EPHA3: variants seen among roughly 807,000 people sequenced by gnomAD.
The protein encoded by EPHA3 is EPH receptor A3.
A neutral mutation model predicts 107.1 loss-of-function variants in EPHA3; 42 were observed. That is an observed-to-expected ratio of 0.39 (90% CI 0.31 to 0.51). EPHA3 has a LOEUF of 0.51. Among genes scored for constraint, EPHA3 ranks in the 20% least tolerant of loss-of-function variants. EPHA3 has a pLI of 0.78. For missense variants in EPHA3, 1,183 were observed against 1,211.2 expected, an observed-to-expected ratio of 0.98 and a Z score of 0.35; for synonymous variants, 461 against 424.8, an observed-to-expected ratio of 1.09 and a Z score of -1.05.
At chr3:89,127,388 C>A in intron 2 of EPHA3, 115 bp downstream of exon 2, 1 of 732,160 alleles carries the variant, frequency 1.4e-6, no homozygotes. Context: ...ACAAATTATA[C>A]TTATAGGAGT....
chr3:89,257,679 T>G (rs1392311958), intron 3 of EPHA3, among the ~76,000 whole-genome samples: 1 of 149,060 alleles, frequency 6.7e-6, no homozygotes, highest in Non-Finnish European at 1.5e-5. Flanking sequence ...ATAATAAAAA[T>G]AACAACTGGA....
intron 2 of EPHA3, among the ~76,000 whole-genome samples, chr3:89,139,684 G>C (rs116244556): frequency 5.9e-4 from 90 of 151,762 alleles, no homozygotes; most frequent in African/African-American, 2.1e-3. Flanking sequence ...AAATCATCTA[G>C]TGCAATACTC....
intron 9 of EPHA3, among the ~76,000 whole-genome samples, chr3:89,409,055 G>A (rs1309499631): frequency 6.6e-6 from 1 of 152,020 alleles, no homozygotes; most frequent in African/African-American, 2.4e-5. Flanking sequence ...CTAACCTGCA[G>A]GAAGCATACA....
intron 15 of EPHA3, among the ~76,000 whole-genome samples, chr3:89,469,293 C>G (rs1710354990): frequency 6.6e-6 from 1 of 152,252 alleles, no homozygotes; most frequent in East Asian, 1.9e-4. Context: ...GACTATTAAT[C>G]TATATTTTCC....
At chr3:89,456,409 T>A (rs1710098450) in intron 15 of EPHA3, among the ~76,000 whole-genome samples, 1 of 152,210 alleles carries the variant, frequency 6.6e-6, no homozygotes, top group Admixed American at 6.5e-5. Flanking sequence ...TCTTCAGTCT[T>A]TCTGGATTTA....
chr3:89,471,283 T>C (rs1256044324), intron 15 of EPHA3, among the ~76,000 whole-genome samples: 1 of 152,176 alleles, frequency 6.6e-6, no homozygotes. Flanking sequence ...TTCTGTTCCA[T>C]TGATTTACCA....
intron 13 of EPHA3, among the ~76,000 whole-genome samples, chr3:89,446,859 G>A (rs1220098991): frequency 1.3e-5 from 2 of 152,088 alleles, no homozygotes; most frequent in Admixed American, 6.6e-5. Context: ...AAAAAGAGAA[G>A]TAGCAAAGGC....
rs566882746 is a variant in EPHA3 at position 89,379,529 on chromosome 3, G to A, written c.1307-16308G>A. Among the ~76,000 whole-genome samples the A allele has an allele frequency of 1.1e-4, 17 of 152,290 alleles. No homozygotes were observed. In the South Asian group the frequency reaches 3.3e-3, roughly 30 times the overall value. ...ATGGGTTTAGGATATATACTTGGAG[G>A]AGAAGTAGAGTAGATATTAGGATTC... On this transcript the variant is annotated intron_variant, in intron 5 of 16. Coordinates refer to ENST00000336596, the MANE Select transcript of EPHA3 (RefSeq NM_005233.6).
chr3:89,424,264 A>G (rs535266344), intron 11 of EPHA3, among the ~76,000 whole-genome samples: 6 of 151,526 alleles, frequency 4.0e-5, no homozygotes, highest in Admixed American at 2.0e-4. Context: ...CTAAAAACTC[A>G]TAACATTAAT....
chr3:89,427,953 T>C (rs1709491615), intron 11 of EPHA3, among the ~76,000 whole-genome samples: 1 of 152,022 alleles, frequency 6.6e-6, no homozygotes, highest in African/African-American at 2.4e-5. Context: ...TCTTAATTGT[T>C]ACCATAATGT....
intron 5 of EPHA3, among the ~76,000 whole-genome samples, chr3:89,357,052 G>A (rs1299229473): frequency 7.7e-6 from 1 of 130,342 alleles, no homozygotes; most frequent in Non-Finnish European, 1.6e-5. Context: ...AGGTTGCAGT[G>A]AGCCGAGACT....
intron 5 of EPHA3, among the ~76,000 whole-genome samples, chr3:89,373,426 C>A (rs1485078978): frequency 6.6e-6 from 1 of 151,902 alleles, no homozygotes; most frequent in Non-Finnish European, 1.5e-5. Context: ...CATTTTCCAA[C>A]ATCCATCTTA....
rs138543738 is a variant in EPHA3 at position 89,265,484 on chromosome 3, C to T, written c.814+54964C>T. Among the ~76,000 whole-genome samples, 785 of 152,140 alleles carry T rather than the reference C, an allele frequency of 5.2e-3. 7 individuals are homozygous for T. The highest frequency in any genetic ancestry group is 0.018 in the African/African-American group (742 of 41,528). ...TATTTTTTGTAAATATCTTGATACA[C>T]CATTATTTTATAAAATAATTTTGGC... On this transcript the variant is annotated intron_variant, in intron 3 of 16. Coordinates refer to ENST00000336596, the MANE Select transcript of EPHA3 (RefSeq NM_005233.6).
At chr3:89,451,254 C>A (rs1709984229) in intron 15 of EPHA3, among the ~76,000 whole-genome samples, 1 of 151,940 alleles carries the variant, frequency 6.6e-6, no homozygotes, top group Non-Finnish European at 1.5e-5. Flanking sequence ...TGAGTTCTCT[C>A]AGTGGTTAGA....
At chr3:89,360,215 T>C (rs919211327) in intron 5 of EPHA3, among the ~76,000 whole-genome samples, 1 of 150,912 alleles carries the variant, frequency 6.6e-6, no homozygotes, top group Non-Finnish European at 1.5e-5. Context: ...AGCCTCTCTT[T>C]TTTTTGGTTT....
chr3:89,262,287 A>G (rs1249709017), intron 3 of EPHA3, among the ~76,000 whole-genome samples: 1 of 152,180 alleles, frequency 6.6e-6, no homozygotes, highest in East Asian at 1.9e-4. Context: ...ATGACTTAAA[A>G]CAACAGAATA....
Position 89,365,238 on chromosome 3 carries a change from A to G in EPHA3, c.1306+23148A>G, listed in dbSNP as rs972889547. Among the ~76,000 whole-genome samples the G allele has an allele frequency of 4.6e-5, 7 of 150,682 alleles. 1 individual carries two copies. The highest frequency in any genetic ancestry group is 1.0e-4 in the Non-Finnish European group (7 of 67,278). ...GGAGCCAGCATGTTGAAGACTGGAA[A>G]AAGGAATAAAGAGGTTGGGAAGATA... On this transcript the variant is annotated intron_variant, in intron 5 of 16. Transcript: ENST00000336596.
chr3:89,184,363 A>G (rs1411766333), intron 2 of EPHA3, among the ~76,000 whole-genome samples: 4 of 152,012 alleles, frequency 2.6e-5, no homozygotes, highest in Non-Finnish European at 4.4e-5. Context: ...TCTTGGCATG[A>G]AAACCATTGT....
intron 3 of EPHA3, among the ~76,000 whole-genome samples, chr3:89,216,236 T>C (rs1704221530): frequency 2.0e-5 from 3 of 151,970 alleles, no homozygotes; most frequent in Non-Finnish European, 2.9e-5. Context: ...ATAATTTTGG[T>C]TGCAGAAAAA....
Sources: allele counts gnomAD v4.1 joint callset (sites outside exome capture counted in the v4.1 genomes callset), GRCh38; gene constraint gnomAD v4.1.1; transcripts MANE v1.5; gene names NCBI Gene and HGNC (gene_info 2026-07-23, HGNC 2026-07-21).